The following PHF8 variants were observed in gnomAD, a reference collection of about 807,000 sequenced individuals.
PHF8 encodes histone lysine demethylase PHF8.
Under a neutral mutation model 74.4 loss-of-function variants are expected in PHF8, and 9 were observed. The observed-to-expected ratio is 0.12, with a 90% CI of 0.07 to 0.21. PHF8 has a LOEUF of 0.21. Ranked by LOEUF, PHF8 falls within the 10% of genes least tolerant of loss-of-function variation. PHF8 has a pLI of 1.00. For missense variants in PHF8, 478 were observed against 816.6 expected, an observed-to-expected ratio of 0.59 and a Z score of 5.05; for synonymous variants, 311 against 316.6, an observed-to-expected ratio of 0.98 and a Z score of 0.19.
intron 19 of PHF8, among the ~76,000 whole-genome samples, chrX:53,954,499 C>CAAAAAAAAAAAAAAAAAAAAAAAAAAA (rs1180184175): frequency 7.6e-5 from 1 of 13,126 alleles, no homozygotes; most frequent in African/African-American, 2.4e-4. Flanking sequence ...GACTCTGTCT[C>CAAAAAAAAAAAAAAAAAAAAAAAAAAA]AAAAAAAAAA....
At chrX:53,988,925 T>C (rs1371408938) in intron 14 of PHF8, among the ~76,000 whole-genome samples, 1 of 110,266 alleles carries the variant, frequency 9.1e-6, no homozygotes, top group African/African-American at 3.3e-5. Flanking sequence ...AAATATCACA[T>C]TGTATACCTT....
At chrX:53,968,081 C>A (rs1265292994) in intron 18 of PHF8, among the ~76,000 whole-genome samples, 2 of 103,310 alleles carry the variant, frequency 1.9e-5, no homozygotes, top group African/African-American at 7.4e-5. Flanking sequence ...TGCCAAATCC[C>A]TCTCTGTGAG....
At chrX:54,020,622 A>G (rs931871475) in intron 4 of PHF8, among the ~76,000 whole-genome samples, 3 of 112,406 alleles carry the variant, frequency 2.7e-5, no homozygotes, top group Non-Finnish European at 5.6e-5. Context: ...GAAAGGATCT[A>G]CAAATAACGG....
At chrX:53,978,574 G>A (rs782607896) in intron 18 of PHF8, among the ~76,000 whole-genome samples, 18 of 110,029 alleles carry the variant, frequency 1.6e-4, no homozygotes, top group South Asian at 8.0e-4. Context: ...TGAGGCGGGC[G>A]GATCACGAGG....
intron 2 of PHF8, among the ~76,000 whole-genome samples, chrX:54,026,505 C>T (rs1489354272): frequency 9.0e-6 from 1 of 111,198 alleles, no homozygotes; most frequent in African/African-American, 3.3e-5. Context: ...TTGCTTCCTA[C>T]TACTTCTGGT....
At chrX:53,965,497 C>T (rs367688826) in intron 18 of PHF8, among the ~76,000 whole-genome samples, 2 of 112,517 alleles carry the variant, frequency 1.8e-5, no homozygotes, top group African/African-American at 3.2e-5. Context: ...AAATTAGCCA[C>T]GCGTGGTAGC....
At chrX:53,970,081 G>A (rs1557094135) in intron 18 of PHF8, among the ~76,000 whole-genome samples, 2 of 111,804 alleles carry the variant, frequency 1.8e-5, no homozygotes, top group African/African-American at 3.2e-5. Context: ...GATTGTTTTG[G>A]AGTAAGAACT....
At chrX:53,989,509 G>GAA (rs1187866367) in intron 14 of PHF8, among the ~76,000 whole-genome samples, 1 of 98,941 alleles carries the variant, frequency 1.0e-5, no homozygotes, top group Non-Finnish European at 2.1e-5. Context: ...CAGTCAAAAA[G>GAA]AAAAAAAAAA....
At chrX:54,037,643 T>C (rs926673912) in intron 2 of PHF8, among the ~76,000 whole-genome samples, 7 of 112,461 alleles carry the variant, frequency 6.2e-5, no homozygotes, top group Non-Finnish European at 1.9e-5. Context: ...TGAACAATTC[T>C]ACAAACATAA....
At chrX:53,992,295 T>A (rs2065678595) in intron 14 of PHF8, among the ~76,000 whole-genome samples, 1 of 112,389 alleles carries the variant, frequency 8.9e-6, no homozygotes, top group Non-Finnish European at 1.9e-5. Context: ...TTTGGATGTT[T>A]CCAATTACTA....
chrX:53,995,746 C>G lies in PHF8; in HGVS notation c.1270G>C (p.Val424Leu). 5 of 1,202,718 alleles carry G rather than the reference C, an allele frequency of 4.2e-6. No homozygotes were observed. Among genetic ancestry groups the G allele is most frequent in the Non-Finnish European group, 5.6e-6 (5 of 887,617 alleles). ...TCTTTAATGAGCTGTACGGTTCGCA[C>G]TGTCTCCGGGATCTCATCCTCATGG... ...PDHEDEIPETVRTVQLIKDLA... is the reference protein window; with the variant it reads ...PDHEDEIPETLRTVQLIKDLA... The change falls in exon 12 of 22, where the codon GTG becomes CTG. Residue 424 changes from valine to leucine, a missense_variant. Physicochemically the swap from Val to Leu is conservative, Grantham distance 32 (BLOSUM62 1). Coordinates refer to ENST00000338154, the MANE Select transcript of PHF8 (RefSeq NM_015107.3).
chrX:53,986,036 T>C (rs2065559589), intron 16 of PHF8, 87 bp from the exon 17 acceptor site: 2 of 883,336 alleles, frequency 2.3e-6, no homozygotes, highest in Admixed American at 4.4e-5. Flanking sequence ...ACTCCTGATA[T>C]TAATATCTTC....
intron 19 of PHF8, among the ~76,000 whole-genome samples, chrX:53,945,062 A>C (rs1460626843): frequency 9.6e-6 from 1 of 103,831 alleles, no homozygotes; most frequent in Non-Finnish European, 2.0e-5. Flanking sequence ...AATAATAAAA[A>C]TTGGCCGGCA....
Position 53,995,734 on chromosome X carries a change from G to T in PHF8, c.1282C>A (p.Gln428Lys). 8.3e-7 allele frequency: 1 copy of T among 1,202,661 alleles called. No individual in the cohort carries two copies. The highest frequency in any genetic ancestry group is 1.1e-6 in the Non-Finnish European group (1 of 887,775). ...DEIPETVRTV[Q>K]LIKDLAREIR... ...TCCCTGGCCAGATCTTTAATGAGCT[G>T]TACGGTTCGCACTGTCTCCGGGATC... Residue 428 changes from glutamine (Q) to lysine (K), a missense_variant, in exon 12 of 22, where the codon CAG (glutamine) becomes AAG (lysine). This residue lies in a region of PHF8 where 153 missense variants were observed against 164.8 expected (regional missense o/e 0.93). Transcript: ENST00000338154.
At chrX:54,000,156 C>T (rs782056094) in intron 10 of PHF8, among the ~76,000 whole-genome samples, 195 bp from the exon 11 acceptor site, 11 of 112,302 alleles carry the variant, frequency 9.8e-5, no homozygotes, top group South Asian at 3.7e-4. Context: ...TCTCATTTAA[C>T]ACTTATACCT....
intron 11 of PHF8, among the ~76,000 whole-genome samples, chrX:53,998,037 T>C (rs1557103370): frequency 8.9e-6 from 1 of 112,502 alleles, no homozygotes; most frequent in Non-Finnish European, 1.9e-5. Context: ...TGACATTTCT[T>C]CTTCTCTTGA....
intron 18 of PHF8, among the ~76,000 whole-genome samples, chrX:53,970,617 C>T (rs149218776): frequency 9.0e-6 from 1 of 111,374 alleles, no homozygotes; most frequent in Non-Finnish European, 1.9e-5. Context: ...TAAGTGCAGA[C>T]ACACATAAGC....
intron 19 of PHF8, among the ~76,000 whole-genome samples, chrX:53,951,056 G>A (rs2064915720): frequency 8.9e-6 from 1 of 112,329 alleles, no homozygotes; most frequent in Non-Finnish European, 1.9e-5. Context: ...TGAGTATGAT[G>A]TCTCACCAAA....
At chrX:53,969,029 G>GT (rs1253474589) in intron 18 of PHF8, among the ~76,000 whole-genome samples, 2 of 111,938 alleles carry the variant, frequency 1.8e-5, no homozygotes, top group Non-Finnish European at 3.8e-5. Context: ...GAGCTCAGGA[G>GT]TTTGAGACCA....
Sources: allele counts gnomAD v4.1 joint callset (sites outside exome capture counted in the v4.1 genomes callset), GRCh38; gene constraint gnomAD v4.1.1; regional missense constraint gnomAD v4.1.1; transcripts MANE v1.5; gene names NCBI Gene and HGNC (gene_info 2026-07-23, HGNC 2026-07-21).